Variants in LRCH2 observed in about 807,000 individuals in gnomAD.
LRCH2 encodes the protein leucine rich repeats and calponin homology domain containing 2.
In LRCH2, 38 loss-of-function variants were observed where a neutral mutation model predicts 68.9. That is an observed-to-expected ratio of 0.55 (90% CI 0.43 to 0.72). LRCH2 has a LOEUF of 0.72. LRCH2 is among the 30% of genes least tolerant of loss of function. LRCH2 has a pLI of 0.00. For synonymous variants in LRCH2, 191 were observed against 208.1 expected, an observed-to-expected ratio of 0.92 and a Z score of 0.71; for missense variants, 528 against 572.9, an observed-to-expected ratio of 0.92 and a Z score of 0.80.
In LRCH2 at chrX:115,191,761, G is replaced by A. The variant is rs1026886721; in HGVS notation, c.350-3391C>T. The A allele has an allele frequency of 8.3e-5, 97 of 1,161,860 alleles. No individual in the cohort carries two copies. The highest frequency in any genetic ancestry group is 1.3e-4 in the Admixed American group (5 of 37,953). On this transcript the variant is annotated intron_variant, in intron 1 of 20. Transcript: ENST00000317135. ...CAGTTCCAGCCGGAGCCACCGCTACGGAGGAGGAGGCCGCTACGAGGAGTA... is the reference window on the plus strand; with the variant it reads ...CAGTTCCAGCCGGAGCCACCGCTACAGAGGAGGAGGCCGCTACGAGGAGTA...
intron 17 of LRCH2, 45 bp downstream of exon 17, chrX:115,123,900 T>C (rs1556526784): frequency 1.2e-6 from 1 of 842,713 alleles, no homozygotes; most frequent in Admixed American, 3.2e-5. Context: ...GGGAAACTAG[T>C]TTCATATATA....
Position 115,125,650 on chromosome X carries a change from T to C in LRCH2, c.1791+1193A>G, listed in dbSNP as rs782131823. Among the ~76,000 whole-genome samples, 68 of 89,801 alleles carry C rather than the reference T, an allele frequency of 7.6e-4. 5 individuals are homozygous for C. Among genetic ancestry groups the C allele is most frequent in the African/African-American group, 2.8e-3 (64 of 23,176 alleles). The allele number at this position is 89,801 out of a possible 115,157, so 78.0% of individuals were successfully genotyped here. On this transcript the variant is annotated intron_variant, in intron 16 of 20. Transcript: ENST00000317135. ...ATATACATATATATACATATATATA[T>C]ACACGTATATATATACGTATATATA... is the stretch of plus-strand genomic sequence containing the variant.
chrX:115,186,839 GAC>G (rs1283207125), intron 2 of LRCH2, among the ~76,000 whole-genome samples: 1 of 72,429 alleles, frequency 1.4e-5, no homozygotes, highest in Non-Finnish European at 2.5e-5. Flanking sequence ...TTTTTTTTGA[GAC>G]AGAGTCTTAC....
chrX:115,164,437 CT>C (rs2072542531), intron 10 of LRCH2, among the ~76,000 whole-genome samples: 1 of 111,303 alleles, frequency 9.0e-6, no homozygotes, highest in Non-Finnish European at 1.9e-5. Context: ...ACAGGTGTTT[CT>C]CAAGTTTAAG....
chrX:115,123,051 A>C, intron 18 of LRCH2, 29 bp downstream of exon 18: 1 of 1,175,632 alleles, frequency 8.5e-7, no homozygotes. Flanking sequence ...ATTTCCACAA[A>C]GCAGATCTGA....
At chrX:115,130,486 A>G (rs974861559) in intron 14 of LRCH2, among the ~76,000 whole-genome samples, 2 of 111,599 alleles carry the variant, frequency 1.8e-5, no homozygotes, top group Non-Finnish European at 1.9e-5. Flanking sequence ...GGGTTGTCTT[A>G]GAATTTTCCT....
In LRCH2 at chrX:115,233,954, C is replaced by T; in HGVS notation, c.88G>A (p.Gly30Arg). The change falls in exon 1 of 21, where the codon GGG (glycine) becomes AGG (arginine). Residue 30 changes from glycine to arginine, a missense_variant. Physicochemically the swap from Gly to Arg is moderately radical, Grantham distance 125 (BLOSUM62 -2). Transcript: ENST00000317135. ...GSSGGCGTAGGGGGGAGGGGG... is the reference protein window; with the variant it reads ...GSSGGCGTAGRGGGGAGGGGG... ...CCCCCTCCAGCCCCGCCACCTCCCC[C>T]TCCAGCCGTGCCACAGCCACCGCTA... 8.6e-7 allele frequency: 1 copy of T among 1,164,605 alleles called. No homozygotes were observed. Among genetic ancestry groups the T allele is most frequent in the Non-Finnish European group, 1.1e-6 (1 of 871,487 alleles).
At chrX:115,158,990 C>A (rs2072495946) in intron 11 of LRCH2, among the ~76,000 whole-genome samples, 1 of 111,468 alleles carries the variant, frequency 9.0e-6, no homozygotes, top group Non-Finnish European at 1.9e-5. Context: ...TACATATCAA[C>A]TTTTTTGTTT....
chrX:115,229,049 A>C (rs1180096138), intron 1 of LRCH2, among the ~76,000 whole-genome samples: 2 of 111,597 alleles, frequency 1.8e-5, no homozygotes, highest in African/African-American at 6.5e-5. Context: ...TAGGAGTTCA[A>C]TAAATGCTTG....
intron 1 of LRCH2, among the ~76,000 whole-genome samples, chrX:115,195,693 G>A (rs1556562934): frequency 1.8e-5 from 2 of 111,640 alleles, no homozygotes; most frequent in African/African-American, 3.3e-5. Flanking sequence ...CAGACAGCCT[G>A]TCGTGGTCAA....
chrX:115,202,971 G>A lies in LRCH2; in HGVS notation c.350-14601C>T, dbSNP rs189550215. Among the ~76,000 whole-genome samples, 3 of 111,666 alleles carry A rather than the reference G, an allele frequency of 2.7e-5. No individual in the cohort carries two copies. The East Asian group carries it at 8.5e-4, about 32-fold the overall frequency. ...ATTTGGGAGGAAAAGAGGGAATAAGGGAAGAGGAAGAGAGTATTGGTCCAT... is the reference window on the plus strand; with the variant it reads ...ATTTGGGAGGAAAAGAGGGAATAAGAGAAGAGGAAGAGAGTATTGGTCCAT... On this transcript the variant is annotated intron_variant, in intron 1 of 20. Coordinates refer to ENST00000317135, the MANE Select transcript of LRCH2 (RefSeq NM_020871.4).
chrX:115,154,716 T>C (rs2072459420), intron 12 of LRCH2, among the ~76,000 whole-genome samples: 1 of 111,852 alleles, frequency 8.9e-6, no homozygotes, highest in African/African-American at 3.2e-5. Flanking sequence ...TAATGTATAG[T>C]GTTAACAAGT....
intron 2 of LRCH2, among the ~76,000 whole-genome samples, chrX:115,185,921 G>C (rs782668145): frequency 8.9e-6 from 1 of 111,873 alleles, no homozygotes; most frequent in African/African-American, 3.3e-5. Flanking sequence ...TATAGGAAGA[G>C]AGAAGAGTTG....
intron 1 of LRCH2, chrX:115,190,837 G>T (rs12857270): frequency 8.6e-7 from 1 of 1,166,017 alleles, no homozygotes; most frequent in African/African-American, 1.8e-5. Flanking sequence ...CGACTGCTGC[G>T]GAGGAGGAGG....
intron 1 of LRCH2, chrX:115,192,586 A>T: frequency 8.5e-7 from 1 of 1,170,986 alleles, no homozygotes; most frequent in Non-Finnish European, 1.1e-6. Flanking sequence ...CAGGGTGCCC[A>T]GGGGCGGAGG....
At chrX:115,218,537 G>A (rs1176453689) in intron 1 of LRCH2, among the ~76,000 whole-genome samples, 3 of 112,516 alleles carry the variant, frequency 2.7e-5, no homozygotes, top group African/African-American at 6.4e-5. Context: ...TTGCATAGGC[G>A]TATAACTTTG....
intron 1 of LRCH2, among the ~76,000 whole-genome samples, chrX:115,219,360 T>C (rs1045680375): frequency 1.6e-4 from 18 of 111,255 alleles, no homozygotes; most frequent in African/African-American, 5.9e-4. Context: ...AATCCTGAAA[T>C]TAAAAGCAAT....
At chrX:115,213,568 T>C (rs1475112043) in intron 1 of LRCH2, among the ~76,000 whole-genome samples, 1 of 112,037 alleles carries the variant, frequency 8.9e-6, no homozygotes, top group Non-Finnish European at 1.9e-5. Flanking sequence ...TATCAATTCT[T>C]ATTCCACTCC....
chrX:115,163,069 G>A (rs1321434420), intron 11 of LRCH2, among the ~76,000 whole-genome samples: 2 of 111,337 alleles, frequency 1.8e-5, no homozygotes, highest in Admixed American at 9.6e-5. Context: ...CTTGAAGAAA[G>A]CCTAGCCAAA....
Sources: allele counts gnomAD v4.1 joint callset (sites outside exome capture counted in the v4.1 genomes callset), GRCh38; gene constraint gnomAD v4.1.1; transcripts MANE v1.5; gene names NCBI Gene and HGNC (gene_info 2026-07-23, HGNC 2026-07-21).